GREM1: variants seen among roughly 807,000 people sequenced by gnomAD.
GREM1 encodes gremlin 1, DAN family BMP antagonist.
In GREM1, 6 loss-of-function variants were observed where a neutral mutation model predicts 13.1. That is an observed-to-expected ratio of 0.46 (90% CI 0.25 to 0.91). The LOEUF (loss-of-function observed/expected upper bound fraction) is 0.91. Ranked by LOEUF, GREM1 falls within the 40% of genes least tolerant of loss-of-function variation. The pLI, the probability that GREM1 is intolerant of heterozygous loss-of-function variation, is 0.18. For missense variants in GREM1, 185 were observed against 233.9 expected (o/e 0.79, Z 1.36); for synonymous variants, 98 against 93.7 (o/e 1.05, Z -0.27).
At chr15:32,730,034 G>T (rs1021215776) in intron 1 of GREM1, among the ~76,000 whole-genome samples, 1 of 152,158 alleles carries the variant, frequency 6.6e-6, no homozygotes, top group African/African-American at 2.4e-5. Flanking sequence ...GCGTACCTGG[G>T]GAGACGAAGT....
rs2140770776 is a variant in GREM1 at position 32,741,914 on chromosome 15, T to G, written c.*10669T>G. On this transcript the variant is annotated 3_prime_UTR_variant, in exon 2 of 2. Coordinates refer to ENST00000651154, the MANE Select transcript of GREM1 (RefSeq NM_013372.7). ...GTGTTAAATTTTGTCAAAACCTTTTTTACATCCATCAAATGATTATGTAAT... is the reference window on the plus strand; with the variant it reads ...GTGTTAAATTTTGTCAAAACCTTTTGTACATCCATCAAATGATTATGTAAT... The G allele has an allele frequency of 6.6e-6, 1 of 152,208 alleles. No homozygotes were observed. Among genetic ancestry groups the G allele is most frequent in the East Asian group, 1.9e-4 (1 of 5,202 alleles). 9.4% of individuals were successfully genotyped at this position (152,208 alleles called of 1,614,324 possible).
At position 32,742,438 on chromosome 15, in the gene GREM1, T is replaced by G. The variant is rs2055770041; in HGVS notation, c.*11193T>G. 6.6e-6 allele frequency: 1 copy of G among 152,190 alleles called. No homozygotes were observed. The highest frequency in any genetic ancestry group is 1.5e-5 in the Non-Finnish European group (1 of 68,026). The allele number at this position is 152,190 out of a possible 1,614,324, so 9.4% of individuals were successfully genotyped here. ...GTTGTAAGACTTAATATTCTTAAAA[T>G]GCCCATATTACCCAAAGTGATCTAT... On this transcript the variant is annotated 3_prime_UTR_variant, in exon 2 of 2. Transcript: ENST00000651154.
chr15:32,724,736 C>T (rs1387861335), intron 1 of GREM1, among the ~76,000 whole-genome samples: 1 of 151,892 alleles, frequency 6.6e-6, no homozygotes, highest in Non-Finnish European at 1.5e-5. Flanking sequence ...TTTGCTGCAC[C>T]CATCAACCCA....
At chr15:32,730,469 G>T (rs368013966) in intron 1 of GREM1, among the ~76,000 whole-genome samples, 110 of 152,334 alleles carry the variant, frequency 7.2e-4, no homozygotes, top group African/African-American at 2.5e-3. Context: ...TTTAAACCTT[G>T]ACTTAGTCAC....
intron 1 of GREM1, among the ~76,000 whole-genome samples, chr15:32,720,374 T>C (rs1366897058): frequency 6.6e-6 from 1 of 152,144 alleles, no homozygotes; most frequent in Non-Finnish European, 1.5e-5. Flanking sequence ...TGGTCAAGTA[T>C]TAAAAGTGAT....
Position 32,731,581 on chromosome 15 carries a change from G to T in GREM1, c.*336G>T. 1 of 358,126 alleles carries T rather than the reference G, an allele frequency of 2.8e-6. No homozygotes were observed. Among genetic ancestry groups the T allele is most frequent in the Non-Finnish European group, 5.3e-6 (1 of 189,674 alleles). 22.2% of individuals were successfully genotyped at this position (358,126 alleles called of 1,614,324 possible). ...TCTGGTTCTGACTTTGTGTTTTTGT[G>T]CCCTCCTGGGGACCAGAATCTCCTT... is the stretch of plus-strand genomic sequence containing the variant. On this transcript the variant is annotated 3_prime_UTR_variant, in exon 2 of 2. Coordinates refer to ENST00000651154, the MANE Select transcript of GREM1 (RefSeq NM_013372.7).
Position 32,730,804 on chromosome 15 carries a change from G to A in GREM1, c.114G>A (p.Lys38=). The change falls in exon 2 of 2, where the codon AAG becomes AAA. Residue 38 remains lysine, a synonymous_variant. Transcript: ENST00000651154. The part of the protein sequence containing the change: ...GSQGAIPPPD[K]AQHNDSEQTQ... ...AAGGTGCCATCCCCCCGCCAGACAAGGCCCAGCACAATGACTCAGAGCAGA... is the reference window on the plus strand; with the variant it reads ...AAGGTGCCATCCCCCCGCCAGACAAAGCCCAGCACAATGACTCAGAGCAGA... 6.2e-7 allele frequency: 1 copy of A among 1,613,908 alleles called. No homozygotes were observed. The highest frequency in any genetic ancestry group is 1.3e-5 in the African/African-American group (1 of 74,998).
rs142749327 is a variant in GREM1, at chr15:32,739,653, C to G, written c.*8408C>G. ...CAAACACATCTATTCTGCAAAAATTCATGGCTAAATTCCTTTGTGAGGAAT... is the reference window on the plus strand; with the variant it reads ...CAAACACATCTATTCTGCAAAAATTGATGGCTAAATTCCTTTGTGAGGAAT... On this transcript the variant is annotated 3_prime_UTR_variant, in exon 2 of 2. Coordinates refer to ENST00000651154, the MANE Select transcript of GREM1 (RefSeq NM_013372.7). 6.6e-6 allele frequency: 1 copy of G among 152,222 alleles called. No individual in the cohort carries two copies. The highest frequency in any genetic ancestry group is 2.4e-5 in the African/African-American group (1 of 41,448). 9.4% of individuals were successfully genotyped at this position (152,222 alleles called of 1,614,324 possible).
Position 32,735,959 on chromosome 15 carries a change from CTA to C in GREM1, c.*4715_*4716del, listed in dbSNP as rs1253996314. ...GCAGAGCATTTATTCAAGAAAAAGACTAAATCTCTGTGAGCACTGTGATATTG... is the reference window on the plus strand; with the variant it reads ...GCAGAGCATTTATTCAAGAAAAAGACAATCTCTGTGAGCACTGTGATATTG... On this transcript the variant is annotated 3_prime_UTR_variant, in exon 2 of 2. Transcript: ENST00000651154. 1.3e-5 allele frequency: 2 copies of C among 152,174 alleles called. No individual in the cohort carries two copies. The highest frequency in any genetic ancestry group is 2.9e-5 in the Non-Finnish European group (2 of 68,028). 9.4% of individuals were successfully genotyped at this position (152,174 alleles called of 1,614,324 possible). A position where few individuals can be genotyped will look rare whatever the true frequency, so the allele number is the denominator to read the frequency against.
At chr15:32,730,043 G>A (rs2055588639) in intron 1 of GREM1, among the ~76,000 whole-genome samples, 1 of 152,210 alleles carries the variant, frequency 6.6e-6, no homozygotes, top group Admixed American at 6.5e-5. Flanking sequence ...GGGAGACGAA[G>A]TATTGGTATC....
At chr15:32,724,027 G>T (rs888729309) in intron 1 of GREM1, among the ~76,000 whole-genome samples, 1 of 152,252 alleles carries the variant, frequency 6.6e-6, no homozygotes, top group East Asian at 1.9e-4. Flanking sequence ...AAATCAATGA[G>T]GTTCATAATA....
intron 1 of GREM1, among the ~76,000 whole-genome samples, chr15:32,721,818 G>A (rs2055414326): frequency 6.6e-6 from 1 of 152,150 alleles, no homozygotes; most frequent in Admixed American, 6.5e-5. Context: ...CTGTAACTTG[G>A]CCGTCTCTCA....
chr15:32,720,569 C>G (rs2055388624), intron 1 of GREM1, among the ~76,000 whole-genome samples: 1 of 152,160 alleles, frequency 6.6e-6, no homozygotes, highest in African/African-American at 2.4e-5. Flanking sequence ...AACCAAAAGG[C>G]AACCATCAGG....
chr15:32,726,492 AG>A (rs2055506930), intron 1 of GREM1, among the ~76,000 whole-genome samples: 1 of 152,228 alleles, frequency 6.6e-6, no homozygotes, highest in South Asian at 2.1e-4. Context: ...ACACAGCTAA[AG>A]CAGTGTTTAG....
chr15:32,718,263 C>A, intron 1 of GREM1, 102 bp downstream of exon 1: 3 of 916,478 alleles, frequency 3.3e-6, no homozygotes, highest in Non-Finnish European at 4.8e-6. Context: ...GCCCTCCGTG[C>A]GCGCAGGCTC....
At chr15:32,718,563 C>G (rs1003776242) in intron 1 of GREM1, 1 of 436,450 alleles carries the variant, frequency 2.3e-6, no homozygotes, top group South Asian at 1.6e-5. Context: ...CGGCCGCTGA[C>G]TGCGCGGCGA....
chr15:32,731,336 T>A lies in GREM1; in HGVS notation c.*91T>A, dbSNP rs2055614091. 2 of 1,057,396 alleles carry A rather than the reference T, an allele frequency of 1.9e-6. No homozygotes were observed. Among genetic ancestry groups the A allele is most frequent in the Non-Finnish European group, 2.8e-6 (2 of 719,706 alleles). The allele number at this position is 1,057,396 out of a possible 1,614,324, so 65.5% of individuals were successfully genotyped here. ...ACCAGATTCTTACTTGGCTTAAACC[T>A]AGAGGCCAGAAGAACCCCCAGCTGC... On this transcript the variant is annotated 3_prime_UTR_variant, in exon 2 of 2. Coordinates refer to ENST00000651154, the MANE Select transcript of GREM1 (RefSeq NM_013372.7).
rs927417631 is a variant in GREM1, at chr15:32,729,172, C to T, written c.-1-1518C>T. Among the ~76,000 whole-genome samples, 8 of 142,714 alleles carry T rather than the reference C, an allele frequency of 5.6e-5. No individual in the cohort carries two copies. The East Asian group carries it at 6.3e-4, about 11-fold the overall frequency. The allele number at this position is 142,714 out of a possible 152,430, so 93.6% of individuals were successfully genotyped here. The stretch of plus-strand genomic sequence containing the variant: ...CCGAGTAGCTGGCACTACAGGCGCC[C>T]GCCACTACGCCCGGCTAATTTTTTT... On this transcript the variant is annotated intron_variant, in intron 1 of 1. Transcript: ENST00000651154.
In GREM1 at chr15:32,739,870, A is replaced by C. The variant is rs529458720; in HGVS notation, c.*8625A>C. On this transcript the variant is annotated 3_prime_UTR_variant, in exon 2 of 2. Transcript: ENST00000651154. The stretch of plus-strand genomic sequence containing the variant: ...TTGGTTCACATATCCAAGACCTCCA[A>C]CTTTTCTGAGGAGATTCCCAGAGGA... The C allele has an allele frequency of 9.8e-5, 15 of 152,382 alleles. No homozygotes were observed. Among genetic ancestry groups the C allele is most frequent in the African/African-American group, 3.4e-4 (14 of 41,580 alleles). The allele number at this position is 152,382 out of a possible 1,614,324, so 9.4% of individuals were successfully genotyped here.
Sources: allele counts gnomAD v4.1 joint callset (sites outside exome capture counted in the v4.1 genomes callset), GRCh38; gene constraint gnomAD v4.1.1; transcripts MANE v1.5; gene names NCBI Gene and HGNC (gene_info 2026-07-23, HGNC 2026-07-21).